ALKAL2: variants seen among roughly 807,000 people sequenced by gnomAD.
ALKAL2 encodes ALK and LTK ligand 2.
Under a neutral mutation model 18.5 loss-of-function variants are expected in ALKAL2, and 8 were observed. That is an observed-to-expected ratio of 0.43 (90% confidence interval 0.25 to 0.78). The LOEUF (loss-of-function observed/expected upper bound fraction) is 0.78. Among genes scored for constraint, ALKAL2 ranks in the 30% least tolerant of loss-of-function variants. ALKAL2 has a pLI of 0.22. For synonymous variants in ALKAL2, 135 were observed against 95.8 expected (o/e 1.41, Z -2.39); for missense variants, 241 against 211.2 (o/e 1.14, Z -0.88).
chr2:286,738 T>C (rs1227271666), intron 2 of ALKAL2: 1 of 164,310 alleles, frequency 6.1e-6, no homozygotes, highest in Non-Finnish European at 1.3e-5. Flanking sequence ...ATTTCAAAGT[T>C]TTTAGAGAAA....
rs775727649 is a variant in ALKAL2 at position 283,100 on chromosome 2, T to C, written c.453+11A>G. ...TGGTATGTGCTCCAGTGTGTGTCTG[T>C]CCAAGCTTACCTTATCCTCCATGCA... On this transcript the variant is annotated intron_variant, in intron 5 of 5. Transcript: ENST00000403610. 69 of 1,609,584 alleles carry C rather than the reference T, an allele frequency of 4.3e-5. No individual in the cohort carries two copies. Among genetic ancestry groups the C allele is most frequent in the East Asian group, 3.6e-4 (16 of 44,854 alleles).
At chr2:280,276 C>G in intron 5 of ALKAL2, 124 bp from the exon 6 acceptor site, 1 of 998,932 alleles carries the variant, frequency 1.0e-6, no homozygotes, top group Non-Finnish European at 1.6e-6. Context: ...CAGAGTGCAT[C>G]TGTATTTCTC....
intron 4 of ALKAL2, among the ~76,000 whole-genome samples, chr2:284,866 G>A (rs1670455931): frequency 6.6e-6 from 1 of 151,984 alleles, no homozygotes; most frequent in Admixed American, 6.6e-5. Context: ...CAATACAAAC[G>A]ACAAGATTTT....
intron 2 of ALKAL2, chr2:286,686 G>A (rs544094898): frequency 2.1e-4 from 41 of 192,440 alleles, no homozygotes; most frequent in Non-Finnish European, 3.3e-4. Context: ...GTCACTTTTA[G>A]GCACTTTAGT....
Position 288,019 on chromosome 2 carries a change from G to A in ALKAL2, c.-64C>T. 3 of 1,224,796 alleles carry A rather than the reference G, an allele frequency of 2.4e-6. No individual in the cohort carries two copies. The highest frequency in any genetic ancestry group is 3.0e-6 in the Non-Finnish European group (3 of 985,034). 75.9% of individuals were successfully genotyped at this position (1,224,796 alleles called of 1,614,324 possible). ...GCTGGACCCGGCCCCTCACCTCCGCGGACCCCGAGGAACAAGCCGGCAGGT... is the reference window on the plus strand; with the variant it reads ...GCTGGACCCGGCCCCTCACCTCCGCAGACCCCGAGGAACAAGCCGGCAGGT... On this transcript the variant is annotated 5_prime_UTR_variant, in exon 1 of 6. Transcript: ENST00000403610.
chr2:283,445 T>G, intron 4 of ALKAL2: 3 of 985,418 alleles, frequency 3.0e-6, no homozygotes, highest in Non-Finnish European at 3.6e-6. Flanking sequence ...GCTGCATGGC[T>G]GAGCTGGCTG....
rs1670411878 is a variant in ALKAL2, at chr2:283,309, T to C, written c.389-134A>G. Reference sequence around the variant, plus strand: ...AATTCCCTGGAAGCAATACGGAGTCTAATCTGCAGGCATGCATTCTAAGTT... The same window carrying C: ...AATTCCCTGGAAGCAATACGGAGTCCAATCTGCAGGCATGCATTCTAAGTT... On this transcript the variant is annotated intron_variant, in intron 4 of 5. Coordinates refer to ENST00000403610, the MANE Select transcript of ALKAL2 (RefSeq NM_001002919.3). 26 of 1,450,432 alleles carry C rather than the reference T, an allele frequency of 1.8e-5. No individual in the cohort carries two copies. In the South Asian group the frequency reaches 3.1e-4, roughly 17 times the overall value. 89.8% of individuals were successfully genotyped at this position (1,450,432 alleles called of 1,614,324 possible). A position where few individuals can be genotyped will look rare whatever the true frequency, so the allele number is the denominator to read the frequency against.
intron 5 of ALKAL2, among the ~76,000 whole-genome samples, chr2:282,137 G>C (rs56167434): frequency 0.29 from 44,128 of 152,096 alleles, 6,793 homozygotes; most frequent in Non-Finnish European, 0.35. Context: ...GGATGCATGG[G>C]CAGGACCCGC....
chr2:286,363 G>A lies in ALKAL2; in HGVS notation c.254-20C>T. ...CAATTTCTGTTTCAGGGAAAAGAAAGTATTATATTACCTGAAGGACGCATT... is the reference window on the plus strand; with the variant it reads ...CAATTTCTGTTTCAGGGAAAAGAAAATATTATATTACCTGAAGGACGCATT... On this transcript the variant is annotated intron_variant, in intron 2 of 5. Coordinates refer to ENST00000403610, the MANE Select transcript of ALKAL2 (RefSeq NM_001002919.3). 5.7e-6 allele frequency: 9 copies of A among 1,581,558 alleles called. No individual in the cohort carries two copies. Among genetic ancestry groups the A allele is most frequent in the Non-Finnish European group, 6.9e-6 (8 of 1,156,696 alleles).
chr2:282,551 T>C (rs969172984), intron 5 of ALKAL2, among the ~76,000 whole-genome samples: 1 of 152,198 alleles, frequency 6.6e-6, no homozygotes, highest in African/African-American at 2.4e-5. Context: ...AAATGTTGCA[T>C]ATCAGCCCTC....
Position 287,666 on chromosome 2 carries a change from T to G in ALKAL2, c.170A>C (p.Lys57Thr). ...ELRKHHSAEHKGLQLLGRDCA... is the reference protein window; with the variant it reads ...ELRKHHSAEHTGLQLLGRDCA... ...GTCCCGCCCGAGGAGCTGCAGGCCC[T>G]TGTGCTCCGCCGAGTGGTGCTTCCG... Residue 57 changes from lysine (K) to threonine (T), a missense_variant, in exon 2 of 6, where the codon AAG becomes ACG. Coordinates refer to ENST00000403610, the MANE Select transcript of ALKAL2 (RefSeq NM_001002919.3). 6.7e-7 allele frequency: 1 copy of G among 1,484,570 alleles called. No homozygotes were observed. Among genetic ancestry groups the G allele is most frequent in the Admixed American group, 2.3e-5 (1 of 43,428 alleles). The allele number at this position is 1,484,570 out of a possible 1,614,324, so 92.0% of individuals were successfully genotyped here. A position where few individuals can be genotyped will look rare whatever the true frequency, so the allele number is the denominator to read the frequency against.
intron 5 of ALKAL2, among the ~76,000 whole-genome samples, chr2:281,113 C>T (rs1428170970): frequency 6.6e-6 from 1 of 152,250 alleles, no homozygotes; most frequent in Non-Finnish European, 1.5e-5. Flanking sequence ...ACTGTATCTA[C>T]ACTGTGGTGA....
At position 287,736 on chromosome 2, in the gene ALKAL2, C is replaced by G. The variant is rs376285161; in HGVS notation, c.100G>C (p.Gly34Arg). 2.1e-6 allele frequency: 3 copies of G among 1,459,618 alleles called. No homozygotes were observed. The highest frequency in any genetic ancestry group is 2.5e-5 in the Admixed American group (1 of 40,522). 90.4% of individuals were successfully genotyped at this position (1,459,618 alleles called of 1,614,324 possible). ...ACCACCAGCCGCAGCAGCGCCTGTC[C>G]GTCCGCCGGCTCCCGGGGCTCCGCG... ...GGAEPREPAD[G>R]QALLRLVVEL... The change falls in exon 2 of 6, where the codon GGA becomes CGA. Residue 34 changes from glycine to arginine, a missense_variant. Coordinates refer to ENST00000403610, the MANE Select transcript of ALKAL2 (RefSeq NM_001002919.3).
In ALKAL2 at chr2:285,905, T is replaced by G. The variant is rs1670492169; in HGVS notation, c.388+218A>C. On this transcript the variant is annotated intron_variant, in intron 4 of 5. Coordinates refer to ENST00000403610, the MANE Select transcript of ALKAL2 (RefSeq NM_001002919.3). The stretch of plus-strand genomic sequence containing the variant: ...TTCAGCCCATCCCAAGAGCCTATTA[T>G]TCCAATGACTGTAAATAATTTCCAG... 5.7e-6 allele frequency: 3 copies of G among 526,810 alleles called. No homozygotes were observed. The Admixed American group carries it at 1.1e-4, about 19-fold the overall frequency. The allele number at this position is 526,810 out of a possible 1,614,324, so 32.6% of individuals were successfully genotyped here.
In ALKAL2 at chr2:279,990, TCAA is replaced by T. The variant is rs1285712216; in HGVS notation, c.*154_*156del. 3.9e-6 allele frequency: 3 copies of T among 777,614 alleles called. No homozygotes were observed. The African/African-American group carries it at 5.1e-5, about 13-fold the overall frequency. 48.2% of individuals were successfully genotyped at this position (777,614 alleles called of 1,614,324 possible). A position where few individuals can be genotyped will look rare whatever the true frequency, so the allele number is the denominator to read the frequency against. ...TTATCGAATATATATCTGCAAACTG[TCAA>T]CAACATACAAAACTCAAAGGACTTA... On this transcript the variant is annotated 3_prime_UTR_variant, in exon 6 of 6. Coordinates refer to ENST00000403610, the MANE Select transcript of ALKAL2 (RefSeq NM_001002919.3).
At chr2:286,251 G>A (rs1000235432) in intron 3 of ALKAL2, 39 bp downstream of exon 3, 41 of 1,610,400 alleles carry the variant, frequency 2.5e-5, no homozygotes, top group Non-Finnish European at 3.2e-5. Flanking sequence ...CAGGTGAAAA[G>A]GAGCTCTGGG....
chr2:279,779 AATT>A lies in ALKAL2; in HGVS notation c.*365_*367del, dbSNP rs1376776754. 1.9e-5 allele frequency: 4 copies of A among 212,426 alleles called. No homozygotes were observed. Among genetic ancestry groups the A allele is most frequent in the Admixed American group, 5.3e-5 (1 of 18,712 alleles). 13.2% of individuals were successfully genotyped at this position (212,426 alleles called of 1,614,324 possible). On this transcript the variant is annotated 3_prime_UTR_variant, in exon 6 of 6. Transcript: ENST00000403610. ...ACAGTGAAAGTAATACAGAATATCA[AATT>A]ATGTTATATGAAAATATACTTTAAG...
At chr2:285,087 G>GC (rs1670465524) in intron 4 of ALKAL2, among the ~76,000 whole-genome samples, 1 of 152,194 alleles carries the variant, frequency 6.6e-6, no homozygotes, top group Admixed American at 6.5e-5. Flanking sequence ...TGCGTTCCAT[G>GC]CATCTTTGTG....
chr2:287,760 CG>C lies in ALKAL2; in HGVS notation c.75del (p.Ala26ArgfsTer66). The C allele has an allele frequency of 1.4e-6, 2 of 1,440,420 alleles. No homozygotes were observed. Among genetic ancestry groups the C allele is most frequent in the South Asian group, 1.4e-5 (1 of 71,604 alleles). 89.2% of individuals were successfully genotyped at this position (1,440,420 alleles called of 1,614,324 possible). ...CCGTCCGCCGGCTCCCGGGGCTCCG[CG>C]CCCCCCCGGCCGCGCCCCGCCGCCC... ...VLGAAGRGRG[G>X]AEPREPADGQ... On this transcript the variant is annotated frameshift_variant, in exon 2 of 6. Transcript: ENST00000403610. LOFTEE classifies it high-confidence loss of function.
Sources: allele counts gnomAD v4.1 joint callset (sites outside exome capture counted in the v4.1 genomes callset), GRCh38; gene constraint gnomAD v4.1.1; transcripts MANE v1.5; gene names NCBI Gene and HGNC (gene_info 2026-07-23, HGNC 2026-07-21).